DAB1: variants seen among roughly 807,000 people sequenced by gnomAD.
The protein encoded by DAB1 is disabled homolog 1.
Under a neutral mutation model 64.6 loss-of-function variants are expected in DAB1, and 15 were observed. The observed-to-expected ratio is 0.23, with a 90% CI of 0.16 to 0.36. The LOEUF (loss-of-function observed/expected upper bound fraction) is 0.36, where lower values mean the gene tolerates loss of function less well. Ranked by LOEUF, DAB1 falls within the 10% of genes least tolerant of loss-of-function variation. DAB1 has a pLI of 1.00. For synonymous variants in DAB1, 235 were observed against 251.9 expected, an observed-to-expected ratio of 0.93 and a Z score of 0.64; for missense variants, 596 against 706.7, an observed-to-expected ratio of 0.84 and a Z score of 1.78.
At chr1:58,017,561 A>G (rs1022951433) in intron 5 of DAB1, among the ~76,000 whole-genome samples, 10 of 152,218 alleles carry the variant, frequency 6.6e-5, no homozygotes, top group African/African-American at 1.4e-4. Context: ...AAGGAACACA[A>G]CCCTAGGGCT....
intron 1 of DAB1, among the ~76,000 whole-genome samples, chr1:57,394,287 T>A (rs1682631338): frequency 6.6e-6 from 1 of 152,232 alleles, no homozygotes. Flanking sequence ...GACAAACTGC[T>A]GAAGGCAGAG....
At chr1:57,669,545 G>A (rs901821241) in intron 6 of DAB1, among the ~76,000 whole-genome samples, 5 of 152,092 alleles carry the variant, frequency 3.3e-5, no homozygotes, top group African/African-American at 4.8e-5. Flanking sequence ...CAATGTATCC[G>A]AGGGTTAAAT....
At chr1:58,069,162 T>C (rs563897744) in intron 5 of DAB1, among the ~76,000 whole-genome samples, 46 of 152,294 alleles carry the variant, frequency 3.0e-4, no homozygotes, top group African/African-American at 1.1e-3. Context: ...TCAAAATAAT[T>C]CCATGACATA....
chr1:58,294,394 C>T (rs1177080668), intron 4 of DAB1, among the ~76,000 whole-genome samples: 1 of 152,094 alleles, frequency 6.6e-6, no homozygotes, highest in Non-Finnish European at 1.5e-5. Context: ...TGCTTCTATT[C>T]CATTCAACTC....
chr1:58,131,773 G>A (rs998263031), intron 5 of DAB1, among the ~76,000 whole-genome samples: 310 of 148,732 alleles, frequency 2.1e-3, no homozygotes, highest in African/African-American at 7.4e-3. Flanking sequence ...GCTGCTCGGG[G>A]GTCAGGGGTC....
intron 3 of DAB1, among the ~76,000 whole-genome samples, chr1:58,477,298 A>C (rs1645428401): frequency 6.6e-6 from 1 of 152,230 alleles, no homozygotes; most frequent in Admixed American, 6.5e-5. Context: ...CTATCATATC[A>C]ATATAAAATT....
intron 2 of DAB1, among the ~76,000 whole-genome samples, chr1:57,239,954 TTC>T (rs1668383695): frequency 6.6e-6 from 1 of 152,236 alleles, no homozygotes; most frequent in Admixed American, 6.5e-5. Context: ...ACAGCCTTTA[TTC>T]TCCAGAATCT....
At chr1:57,880,824 T>A (rs920913684) in intron 1 of DAB1, 1 of 152,202 alleles carries the variant, frequency 6.6e-6, no homozygotes. Flanking sequence ...TGTATTAAAT[T>A]GAAATCCAGT....
chr1:58,079,089 C>T (rs931503612), intron 5 of DAB1, among the ~76,000 whole-genome samples: 3 of 152,234 alleles, frequency 2.0e-5, no homozygotes, highest in African/African-American at 4.8e-5. Flanking sequence ...GGCATTAAAC[C>T]TCCTCAAGAT....
At chr1:58,011,101 A>G (rs939308021) in intron 5 of DAB1, among the ~76,000 whole-genome samples, 1 of 152,202 alleles carries the variant, frequency 6.6e-6, no homozygotes, top group African/African-American at 2.4e-5. Context: ...TATATTTAGC[A>G]TGACAACCAC....
intron 4 of DAB1, among the ~76,000 whole-genome samples, chr1:57,129,370 A>G (rs1657443525): frequency 1.3e-5 from 2 of 152,088 alleles, no homozygotes; most frequent in African/African-American, 4.8e-5. Context: ...ATCCAACAAG[A>G]CACTAACCAC....
At chr1:57,696,311 T>C (rs775578038) in intron 6 of DAB1, among the ~76,000 whole-genome samples, 130 of 152,136 alleles carry the variant, frequency 8.5e-4, no homozygotes, top group Non-Finnish European at 1.4e-3. Flanking sequence ...TGTCAAGGAC[T>C]GCCCTCTGAA....
chr1:58,277,041 T>C (rs1042103892), intron 4 of DAB1, among the ~76,000 whole-genome samples: 4 of 141,392 alleles, frequency 2.8e-5, no homozygotes, highest in African/African-American at 7.9e-5. Context: ...TTTTTTCTTT[T>C]TTTTTTTTTT....
intron 1 of DAB1, among the ~76,000 whole-genome samples, chr1:57,350,498 G>C (rs780999449): frequency 1.3e-5 from 2 of 152,098 alleles, no homozygotes; most frequent in Non-Finnish European, 2.9e-5. Flanking sequence ...AGCATATCCT[G>C]CTCCCACTTG....
intron 4 of DAB1, among the ~76,000 whole-genome samples, chr1:58,195,698 G>T (rs1028186544): frequency 1.3e-5 from 2 of 152,174 alleles, no homozygotes; most frequent in African/African-American, 4.8e-5. Flanking sequence ...AGAAGATACA[G>T]TGCCTGTGTT....
chr1:57,591,579 T>G (rs1324716539), intron 7 of DAB1, among the ~76,000 whole-genome samples: 3 of 152,192 alleles, frequency 2.0e-5, no homozygotes, highest in Non-Finnish European at 4.4e-5. Flanking sequence ...AACTGCCAAC[T>G]AAGTGGATAA....
chr1:57,502,273 T>C (rs562437826), intron 7 of DAB1, among the ~76,000 whole-genome samples: 7 of 146,296 alleles, frequency 4.8e-5, no homozygotes, highest in Non-Finnish European at 7.4e-5. Context: ...TGAGCCGAGA[T>C]TGGCCACTGC....
chr1:57,749,316 G>A (rs547750024), intron 6 of DAB1, among the ~76,000 whole-genome samples: 4 of 152,320 alleles, frequency 2.6e-5, no homozygotes, highest in Middle Eastern at 3.4e-3. Context: ...CCTGAAGCCA[G>A]GATTTCAACT....
chr1:58,316,605 G>T (rs1054646701), intron 4 of DAB1, among the ~76,000 whole-genome samples: 1 of 152,120 alleles, frequency 6.6e-6, no homozygotes, highest in East Asian at 1.9e-4. Context: ...AGAAGAGGGG[G>T]ATGCTGATCT....
Sources: gnomAD v4.1 joint callset for allele counts (sites outside exome capture counted in the v4.1 genomes callset) on GRCh38, gnomAD v4.1.1 for gene constraint, MANE v1.5 for transcripts, NCBI Gene and HGNC (gene_info 2026-07-23, HGNC 2026-07-21) for gene names.